The following VPS13D variants were observed in gnomAD, a reference collection of about 807,000 sequenced individuals.
VPS13D encodes the protein intermembrane lipid transfer protein VPS13D.
VPS13D carries 187 observed loss-of-function variants against 461.9 expected under a neutral mutation model. That is an observed-to-expected ratio of 0.40 (90% CI 0.36 to 0.46). The LOEUF (loss-of-function observed/expected upper bound fraction) is 0.46. VPS13D is among the 20% of genes least tolerant of loss of function. The pLI is 0.60. For synonymous variants in VPS13D, 1,951 were observed against 1,986.3 expected, an observed-to-expected ratio of 0.98 and a Z score of 0.47; for missense variants, 4,711 against 5,364.9, an observed-to-expected ratio of 0.88 and a Z score of 3.81.
chr1:12,362,429 C>T (rs1459448355), intron 50 of VPS13D, among the ~76,000 whole-genome samples: 1 of 152,148 alleles, frequency 6.6e-6, no homozygotes, highest in Admixed American at 6.5e-5. Context: ...GACTGGACAC[C>T]TGTGTATTTT....
At chr1:12,347,077 C>G (rs1162275702) in intron 44 of VPS13D, among the ~76,000 whole-genome samples, 1 of 152,130 alleles carries the variant, frequency 6.6e-6, no homozygotes, top group African/African-American at 2.4e-5. Flanking sequence ...TTATTCCAGG[C>G]TTTTATTTAT....
At chr1:12,247,937 C>T (rs1008054749) in intron 5 of VPS13D, among the ~76,000 whole-genome samples, 2 of 147,832 alleles carry the variant, frequency 1.4e-5, no homozygotes, top group African/African-American at 5.0e-5. Flanking sequence ...GGCTGGAGTG[C>T]AGTGCAGTGG....
intron 23 of VPS13D, among the ~76,000 whole-genome samples, chr1:12,292,341 T>C (rs1038788425): frequency 6.7e-6 from 1 of 149,884 alleles, no homozygotes; most frequent in African/African-American, 2.5e-5. Context: ...CTTTTTTTTT[T>C]CTTTTTTTTA....
chr1:12,304,002 G>A (rs942653210), intron 25 of VPS13D, among the ~76,000 whole-genome samples: 1 of 152,118 alleles, frequency 6.6e-6, no homozygotes, highest in Non-Finnish European at 1.5e-5. Flanking sequence ...GGCCTCTTTT[G>A]TTTTCATTTC....
At chr1:12,356,558 G>A (rs1246277373) in intron 49 of VPS13D, 34 bp downstream of exon 49, 2 of 1,604,344 alleles carry the variant, frequency 1.2e-6, no homozygotes, top group African/African-American at 1.3e-5. Flanking sequence ...GGGGAAATAA[G>A]CTCCCAGGGA....
intron 67 of VPS13D, among the ~76,000 whole-genome samples, chr1:12,474,890 A>G (rs747452315): frequency 4.6e-5 from 7 of 152,232 alleles, no homozygotes; most frequent in Non-Finnish European, 1.0e-4. Flanking sequence ...TATGATAAGT[A>G]CAACGCACTG....
intron 67 of VPS13D, among the ~76,000 whole-genome samples, chr1:12,483,843 C>T (rs1645757427): frequency 6.6e-6 from 1 of 151,950 alleles, no homozygotes; most frequent in Non-Finnish European, 1.5e-5. Context: ...ACTAAAAATA[C>T]AAAAATTACC....
intron 60 of VPS13D, among the ~76,000 whole-genome samples, chr1:12,397,076 G>A (rs2101675417): frequency 6.6e-6 from 1 of 152,272 alleles, no homozygotes; most frequent in Admixed American, 6.5e-5. Context: ...TGGGATTACA[G>A]GTGCCCGCCA....
In VPS13D at chr1:12,248,511, TA is replaced by T. The variant is rs1047840695; in HGVS notation, c.448-704del. Among the ~76,000 whole-genome samples, 126 of 152,112 alleles carry T rather than the reference TA, an allele frequency of 8.3e-4. 2 individuals carry two copies. The highest frequency in any genetic ancestry group is 2.8e-3 in the African/African-American group (118 of 41,504). On this transcript the variant is annotated intron_variant, in intron 5 of 69. Coordinates refer to ENST00000620676, the MANE Select transcript of VPS13D (RefSeq NM_015378.4). ...GCTCGTGCCACCATACCTGGCTATT[TA>T]AAAAAAATTTTTAGTAGAAGTGAGG...
rs773443162 is a variant in VPS13D at position 12,283,342 on chromosome 1, G to A, written c.5240G>A (p.Arg1747Gln). Reference protein sequence around the residue: ...QLYQRPTSASRKKQKEVQDKD... With the variant: ...QLYQRPTSASQKKQKEVQDKD... ...TATCAAAGGCCCACCTCTGCGTCCCGGAAAAAGCAAAAGGAAGTCCAAGAC... is the reference window on the plus strand; with the variant it reads ...TATCAAAGGCCCACCTCTGCGTCCCAGAAAAAGCAAAAGGAAGTCCAAGAC... The change falls in exon 21 of 70, where the codon CGG becomes CAG. Residue 1747 changes from arginine (R) to glutamine (Q), a missense_variant. By Grantham distance (43) the Arg-to-Gln change is conservative (BLOSUM62 1). Coordinates refer to ENST00000620676, the MANE Select transcript of VPS13D (RefSeq NM_015378.4). The A allele has an allele frequency of 3.1e-5, 50 of 1,613,868 alleles. No individual in the cohort carries two copies. The highest frequency in any genetic ancestry group is 1.6e-4 in the Middle Eastern group (1 of 6,084).
At chr1:12,396,012 TATATATATATATATATA>T (rs1644492432) in intron 60 of VPS13D, among the ~76,000 whole-genome samples, 3 of 135,258 alleles carry the variant, frequency 2.2e-5, no homozygotes, top group East Asian at 2.1e-4. Context: ...TATATATATA[TATATATATATATATATA>T]GTTCTTTAAG....
chr1:12,401,705 G>T lies in VPS13D; in HGVS notation c.11881+1G>T. 6.2e-7 allele frequency: 1 copy of T among 1,611,736 alleles called. No individual in the cohort carries two copies. ...TTTGGCTACGATCAAGCAGAATCAG[G>T]TAATGTTGAATGTTCTATGTCTGTG... On this transcript the variant is annotated splice_donor_variant, in intron 62 of 69. Coordinates refer to ENST00000620676, the MANE Select transcript of VPS13D (RefSeq NM_015378.4). LOFTEE classifies it high-confidence loss of function.
chr1:12,335,884 C>A, intron 39 of VPS13D, 57 bp downstream of exon 39: 1 of 1,606,832 alleles, frequency 6.2e-7, no homozygotes, highest in Non-Finnish European at 8.5e-7. Context: ...CAAAGCAATG[C>A]TTCACTGAGA....
chr1:12,280,517 T>C (rs907664546), intron 20 of VPS13D, among the ~76,000 whole-genome samples: 4 of 151,762 alleles, frequency 2.6e-5, no homozygotes, highest in African/African-American at 9.7e-5. Flanking sequence ...TTTTTTTTTT[T>C]TGAGACGGAG....
At chr1:12,251,189 C>G (rs991655086) in intron 6 of VPS13D, among the ~76,000 whole-genome samples, 1 of 152,274 alleles carries the variant, frequency 6.6e-6, no homozygotes, top group African/African-American at 2.4e-5. Flanking sequence ...GCTGTTGACT[C>G]TGTGGCCCTT....
rs1367551210 is a variant in VPS13D at position 12,282,880 on chromosome 1, T to C, written c.4778T>C (p.Leu1593Ser). 7 of 1,614,032 alleles carry C rather than the reference T, an allele frequency of 4.3e-6. No individual in the cohort carries two copies. In the Admixed American group the frequency reaches 1.2e-4, roughly 27 times the overall value. The change falls in exon 21 of 70, where the codon TTG becomes TCG. Residue 1593 changes from leucine (L) to serine (S), a missense_variant. Physicochemically the swap from Leu to Ser is moderately radical, Grantham distance 145. Coordinates refer to ENST00000620676, the MANE Select transcript of VPS13D (RefSeq NM_015378.4). The stretch of plus-strand genomic sequence containing the variant: ...TCTGTTGAAAGGAAGGAGAATGGAT[T>C]GTTCAGCCACTCCAGCCTTTCTAAC... ...ESSVERKENG[L>S]FSHSSLSNTS...
chr1:12,256,894 C>T, intron 8 of VPS13D, 93 bp from the exon 9 acceptor site: 1 of 1,331,108 alleles, frequency 7.5e-7, no homozygotes, highest in South Asian at 1.3e-5. Context: ...AGTGGATCAA[C>T]TAATGTGAAT....
rs997833686 is a variant in VPS13D, at chr1:12,374,012, G to A, written c.10917+154G>A. Among the ~76,000 whole-genome samples, 11 of 152,258 alleles carry A rather than the reference G, an allele frequency of 7.2e-5. No homozygotes were observed. The South Asian group carries it at 1.2e-3, about 17-fold the overall frequency. On this transcript the variant is annotated intron_variant, in intron 55 of 69. Coordinates refer to ENST00000620676, the MANE Select transcript of VPS13D (RefSeq NM_015378.4). ...GGCATTTCCAGGTCAGTGTTAGGGC[G>A]GATGAGTACCAGCTCAGGAGTAAGA...
intron 67 of VPS13D, among the ~76,000 whole-genome samples, chr1:12,489,276 G>T (rs1557472224): frequency 1.3e-5 from 2 of 152,120 alleles, no homozygotes; most frequent in Non-Finnish European, 2.9e-5. Flanking sequence ...GTGTCATGGG[G>T]TCCCCAAAAC....
Sources: gnomAD v4.1 joint callset for allele counts (sites outside exome capture counted in the v4.1 genomes callset) on GRCh38, gnomAD v4.1.1 for gene constraint, MANE v1.5 for transcripts, NCBI Gene and HGNC (gene_info 2026-07-23, HGNC 2026-07-21) for gene names.